Variants in ANKFN1 observed in about 807,000 individuals in gnomAD.
ANKFN1 encodes the protein ankyrin repeat and fibronectin type III domain containing 1, also known as ankyrin repeat and fibronectin type-III domain-containing protein 1.
A neutral mutation model predicts 108.7 loss-of-function variants in ANKFN1; 74 were observed. The observed-to-expected ratio is 0.68, with a 90% CI of 0.56 to 0.83. ANKFN1 has a LOEUF of 0.83. ANKFN1 is among the 40% of genes least tolerant of loss of function. ANKFN1 has a pLI of 0.00. For synonymous variants in ANKFN1, 547 were observed against 516.2 expected (o/e 1.06, Z -0.81); for missense variants, 1,505 against 1,382.3 (o/e 1.09, Z -1.41).
chr17:56,440,200 G>T, intron 8 of ANKFN1, 127 bp from the exon 9 acceptor site: 1 of 457,314 alleles, frequency 2.2e-6, no homozygotes, highest in Non-Finnish European at 3.9e-6. Flanking sequence ...CCAATATAAA[G>T]AAAGGAGGGT....
chr17:56,458,883 A>T (rs1193279507), intron 14 of ANKFN1, among the ~76,000 whole-genome samples: 6 of 152,248 alleles, frequency 3.9e-5, no homozygotes, highest in African/African-American at 9.6e-5. Context: ...ACAAAAAAAA[A>T]TTTCTATGGC....
At chr17:56,182,486 A>G (rs948638379) in intron 1 of ANKFN1, among the ~76,000 whole-genome samples, 2 of 152,214 alleles carry the variant, frequency 1.3e-5, no homozygotes, top group African/African-American at 2.4e-5. Flanking sequence ...AACCTAGTCC[A>G]GAGCAAGACC....
intron 14 of ANKFN1, among the ~76,000 whole-genome samples, chr17:56,464,522 G>T (rs1040419202): frequency 1.3e-5 from 2 of 152,164 alleles, no homozygotes; most frequent in South Asian, 2.1e-4. Flanking sequence ...TAAGATGGAA[G>T]TTTGTAGAGG....
intron 1 of ANKFN1, among the ~76,000 whole-genome samples, chr17:56,160,214 G>A (rs1318786437): frequency 1.3e-5 from 2 of 152,214 alleles, no homozygotes; most frequent in East Asian, 3.8e-4. Context: ...TTTCTGGCAA[G>A]CTCTTTAAGA....
At chr17:56,056,389 A>C (rs1446473505) in intron 4 of ANKFN1, among the ~76,000 whole-genome samples, 3 of 151,828 alleles carry the variant, frequency 2.0e-5, no homozygotes, top group Non-Finnish European at 4.4e-5. Context: ...AAAAAAAAAA[A>C]AGCCAGAGGG....
At chr17:56,473,979 G>A (rs1026066464) in intron 15 of ANKFN1, among the ~76,000 whole-genome samples, 1 of 152,108 alleles carries the variant, frequency 6.6e-6, no homozygotes, top group Non-Finnish European at 1.5e-5. Flanking sequence ...ATTCTTGGAT[G>A]TAGGTCTTTA....
intron 8 of ANKFN1, among the ~76,000 whole-genome samples, chr17:56,423,215 G>A (rs2048463957): frequency 6.6e-6 from 1 of 152,168 alleles, no homozygotes; most frequent in Non-Finnish European, 1.5e-5. Flanking sequence ...CAGACCAAAG[G>A]CTCTACAGAA....
At chr17:56,442,553 G>C (rs867775447) in intron 9 of ANKFN1, among the ~76,000 whole-genome samples, 11 of 152,228 alleles carry the variant, frequency 7.2e-5, no homozygotes, top group African/African-American at 2.6e-4. Context: ...GTTTCAGGGG[G>C]CTCAGGAAAA....
upstream of ANKFN1, among the ~76,000 whole-genome samples, chr17:56,150,737 G>A (rs1482008937): frequency 6.6e-6 from 1 of 152,008 alleles, no homozygotes; most frequent in Non-Finnish European, 1.5e-5. Context: ...CATAACCCCA[G>A]GTTAGCCTCC....
intron 3 of ANKFN1, among the ~76,000 whole-genome samples, chr17:56,304,780 G>A (rs1413725283): frequency 6.6e-6 from 1 of 152,070 alleles, no homozygotes; most frequent in African/African-American, 2.4e-5. Context: ...GGCTAATGGT[G>A]TTGAGTATAA....
intron 3 of ANKFN1, among the ~76,000 whole-genome samples, chr17:56,289,177 T>C (rs890585091): frequency 2.6e-5 from 4 of 152,174 alleles, no homozygotes; most frequent in African/African-American, 9.7e-5. Context: ...ATATTTGCCA[T>C]TAATGAGAGG....
At chr17:56,090,008 C>T (rs903578588) in intron 4 of ANKFN1, among the ~76,000 whole-genome samples, 3 of 151,308 alleles carry the variant, frequency 2.0e-5, no homozygotes, top group Non-Finnish European at 3.0e-5. Context: ...CTGTTGAAAG[C>T]GGAAGGATAT....
intron 4 of ANKFN1, among the ~76,000 whole-genome samples, chr17:56,074,205 G>C (rs1222737068): frequency 6.6e-6 from 1 of 152,176 alleles, no homozygotes; most frequent in Non-Finnish European, 1.5e-5. Context: ...TGGCATGTGA[G>C]AAGAGGCACT....
intron 3 of ANKFN1, among the ~76,000 whole-genome samples, chr17:56,230,130 C>T (rs1042050184): frequency 6.6e-6 from 1 of 152,064 alleles, no homozygotes; most frequent in African/African-American, 2.4e-5. Context: ...AAGTAAAGGT[C>T]CTGGAAATGT....
chr17:56,401,588 A>G (rs1397166350), intron 8 of ANKFN1, among the ~76,000 whole-genome samples: 1 of 151,846 alleles, frequency 6.6e-6, no homozygotes. Flanking sequence ...TTTCTGGAGG[A>G]GTCTTTAGGG....
At chr17:56,360,960 A>T (rs1243877587) in intron 6 of ANKFN1, among the ~76,000 whole-genome samples, 1 of 152,044 alleles carries the variant, frequency 6.6e-6, no homozygotes, top group Non-Finnish European at 1.5e-5. Context: ...TCTAGTTGAA[A>T]ATTTGTACCC....
chr17:56,314,953 C>G (rs2045156029), intron 3 of ANKFN1, among the ~76,000 whole-genome samples: 1 of 152,156 alleles, frequency 6.6e-6, no homozygotes, highest in Non-Finnish European at 1.5e-5. Flanking sequence ...TGTTTGGTAC[C>G]TGATACCCTC....
At chr17:56,269,565 T>A (rs977603324) in intron 3 of ANKFN1, among the ~76,000 whole-genome samples, 4 of 152,278 alleles carry the variant, frequency 2.6e-5, no homozygotes, top group Admixed American at 2.6e-4. Context: ...GCCTAAAAGA[T>A]AGAGTCAGCT....
chr17:56,510,338 C>A, intron 20 of ANKFN1, 135 bp from the exon 21 acceptor site: 1 of 744,784 alleles, frequency 1.3e-6, no homozygotes, highest in Non-Finnish European at 2.1e-6. Context: ...GTCAGCATTT[C>A]AGGAGGTGAC....
Sources: allele counts gnomAD v4.1 joint callset (sites outside exome capture counted in the v4.1 genomes callset), GRCh38; gene constraint gnomAD v4.1.1; transcripts MANE v1.5; gene names NCBI Gene and HGNC (gene_info 2026-07-23, HGNC 2026-07-21).